The following GXYLT2 variants were observed in gnomAD, a reference collection of about 807,000 sequenced individuals.
GXYLT2 encodes glycosyltransferase 8 domain containing 4.
Under a neutral mutation model 45.8 loss-of-function variants are expected in GXYLT2, and 53 were observed. The ratio of observed to expected loss-of-function variants is 1.16; its 90% CI spans 0.93 to 1.46. The LOEUF is 1.46. Among genes scored for constraint, GXYLT2 ranks in the 40% most tolerant of loss-of-function variants. The probability of loss-of-function intolerance (pLI) is 0.00; values close to 1 mark genes in which losing one functional copy is unlikely to be tolerated. For missense variants in GXYLT2, 551 were observed against 544.4 expected, an observed-to-expected ratio of 1.01 and a Z score of -0.12; for synonymous variants, 219 against 214.2, an observed-to-expected ratio of 1.02 and a Z score of -0.19.
At chr3:72,948,988 A>C (rs1466710758) in intron 3 of GXYLT2, among the ~76,000 whole-genome samples, 1 of 152,112 alleles carries the variant, frequency 6.6e-6, no homozygotes, top group Non-Finnish European at 1.5e-5. Context: ...GAAGCAGAGA[A>C]GGAGAGAAAT....
intron 1 of GXYLT2, among the ~76,000 whole-genome samples, chr3:72,895,165 G>A (rs1004399499): frequency 1.3e-5 from 2 of 152,140 alleles, no homozygotes; most frequent in Non-Finnish European, 2.9e-5. Flanking sequence ...AGGCTGTTCT[G>A]CAATAGGAGC....
chr3:72,923,287 T>C (rs1709862734), intron 3 of GXYLT2, among the ~76,000 whole-genome samples: 1 of 151,812 alleles, frequency 6.6e-6, no homozygotes, highest in African/African-American at 2.4e-5. Flanking sequence ...TGGTGGCGCA[T>C]GCCTGTAGTC....
chr3:72,943,637 A>G (rs1387239317), intron 3 of GXYLT2, among the ~76,000 whole-genome samples: 1 of 152,098 alleles, frequency 6.6e-6, no homozygotes, highest in African/African-American at 2.4e-5. Flanking sequence ...TTGGCCTCCC[A>G]AAGTGCTGGG....
chr3:72,928,933 G>A, intron 3 of GXYLT2: 3 of 726,794 alleles, frequency 4.1e-6, no homozygotes, highest in Non-Finnish European at 4.8e-6. Flanking sequence ...CCGGCCGGCC[G>A]CCCATAGCCA....
At chr3:72,899,455 G>A (rs1224302745) in intron 1 of GXYLT2, among the ~76,000 whole-genome samples, 1 of 152,154 alleles carries the variant, frequency 6.6e-6, no homozygotes, top group Non-Finnish European at 1.5e-5. Context: ...AAAGATTTAT[G>A]ATATTTGATT....
intron 2 of GXYLT2, among the ~76,000 whole-genome samples, chr3:72,911,742 T>C (rs992270246): frequency 2.0e-5 from 3 of 152,152 alleles, no homozygotes; most frequent in Non-Finnish European, 2.9e-5. Context: ...TAAGAAACTA[T>C]GTAAAATCAT....
rs186698781 is a variant in GXYLT2, at chr3:72,915,892, C to T, written c.469-6312C>T. ...CTAGAGGAACAAGCTGAGGCTGGCC[C>T]AGCAGTGTCAGGGATGTCCATGGAG... On this transcript the variant is annotated intron_variant, in intron 2 of 6. Transcript: ENST00000389617. Among the ~76,000 whole-genome samples the T allele has an allele frequency of 9.2e-5, 14 of 152,018 alleles. No individual in the cohort carries two copies. The South Asian group carries it at 2.7e-3, about 29-fold the overall frequency.
chr3:72,890,123 T>C (rs983261262), intron 1 of GXYLT2, among the ~76,000 whole-genome samples: 1 of 152,106 alleles, frequency 6.6e-6, no homozygotes, highest in Non-Finnish European at 1.5e-5. Context: ...GGTTTCACCA[T>C]ATTGGCCAGG....
At chr3:72,935,121 A>G (rs1322185512) in intron 3 of GXYLT2, among the ~76,000 whole-genome samples, 1 of 152,218 alleles carries the variant, frequency 6.6e-6, no homozygotes, top group African/African-American at 2.4e-5. Flanking sequence ...ATGGAAGATG[A>G]ATAAAACTTC....
chr3:72,952,140 T>G (rs1282096079), intron 3 of GXYLT2, among the ~76,000 whole-genome samples: 2 of 151,868 alleles, frequency 1.3e-5, no homozygotes, highest in Non-Finnish European at 2.9e-5. Flanking sequence ...GTATCTTGAA[T>G]TACAGGCACA....
chr3:72,919,723 C>G (rs1178298402), intron 2 of GXYLT2, among the ~76,000 whole-genome samples: 3 of 152,200 alleles, frequency 2.0e-5, no homozygotes, highest in Non-Finnish European at 2.9e-5. Flanking sequence ...CCATTGCACT[C>G]CAGTCTGGAT....
At chr3:72,950,747 G>A (rs942368317) in intron 3 of GXYLT2, among the ~76,000 whole-genome samples, 7 of 152,202 alleles carry the variant, frequency 4.6e-5, no homozygotes, top group African/African-American at 1.7e-4. Flanking sequence ...AAGTCATACT[G>A]TCAAACTCAG....
At chr3:72,900,872 G>C (rs74948167) in intron 1 of GXYLT2, among the ~76,000 whole-genome samples, 3,358 of 151,962 alleles carry the variant, frequency 0.022, 107 homozygotes, top group African/African-American at 0.077. Flanking sequence ...TATACAATTC[G>C]GCCCAGGTAC....
chr3:72,946,523 C>A (rs1048592027), intron 3 of GXYLT2, among the ~76,000 whole-genome samples: 1 of 152,074 alleles, frequency 6.6e-6, no homozygotes, highest in African/African-American at 2.4e-5. Context: ...GATAAAGGCA[C>A]CAAAAGATTG....
At chr3:72,965,790 G>A (rs1031991841) in intron 5 of GXYLT2, among the ~76,000 whole-genome samples, 1 of 152,184 alleles carries the variant, frequency 6.6e-6, no homozygotes, top group Admixed American at 6.5e-5. Flanking sequence ...TGGCCCTGGG[G>A]TAGAGGAGTA....
At chr3:72,972,407 G>A (rs1032287367) in intron 6 of GXYLT2, among the ~76,000 whole-genome samples, 5 of 151,692 alleles carry the variant, frequency 3.3e-5, no homozygotes, top group Non-Finnish European at 5.9e-5. Flanking sequence ...TTGGGAGACC[G>A]AGGCAGGTGG....
chr3:72,961,412 C>G (rs892991357), intron 5 of GXYLT2, among the ~76,000 whole-genome samples: 4 of 152,074 alleles, frequency 2.6e-5, no homozygotes, highest in African/African-American at 9.7e-5. Context: ...TCAAATCAAG[C>G]CAGGCTTCAT....
intron 6 of GXYLT2, among the ~76,000 whole-genome samples, chr3:72,971,684 C>G (rs993596731): frequency 6.6e-6 from 1 of 152,170 alleles, no homozygotes; most frequent in Non-Finnish European, 1.5e-5. Flanking sequence ...TGCGGTGGCT[C>G]ACACCTGTAA....
Position 72,955,178 on chromosome 3 carries a change from G to A in GXYLT2, c.681G>A (p.Lys227=), listed in dbSNP as rs1332415341. The A allele has an allele frequency of 6.2e-7, 1 of 1,613,990 alleles. No homozygotes were observed. The highest frequency in any genetic ancestry group is 1.3e-5 in the African/African-American group (1 of 75,042). The part of the protein sequence containing the change: ...LFLRPVDDIW[K]LLRLFNSTQL... The stretch of plus-strand genomic sequence containing the variant: ...TGAGACCTGTTGATGACATCTGGAA[G>A]CTTCTGAGGCTGTTTAATTCCACCC... Residue 227 remains lysine (K), a synonymous_variant, in exon 4 of 7, where the codon AAG becomes AAA. Coordinates refer to ENST00000389617, the MANE Select transcript of GXYLT2 (RefSeq NM_001080393.2).
Sources: gnomAD v4.1 joint callset for allele counts (sites outside exome capture counted in the v4.1 genomes callset) on GRCh38, gnomAD v4.1.1 for gene constraint, MANE v1.5 for transcripts, NCBI Gene and HGNC (gene_info 2026-07-23, HGNC 2026-07-21) for gene names.